CERS5: variants seen among roughly 807,000 people sequenced by gnomAD.
The protein encoded by CERS5 is LAG1 homolog, ceramide synthase 5.
In CERS5, 37 loss-of-function variants were observed where a neutral mutation model predicts 58.9. That is an observed-to-expected ratio of 0.63 (90% confidence interval 0.48 to 0.83). The LOEUF (loss-of-function observed/expected upper bound fraction) is 0.83. CERS5 is among the 40% of genes least tolerant of loss of function. The pLI, the probability that CERS5 is intolerant of heterozygous loss-of-function variation, is 0.00. For synonymous variants in CERS5, 147 were observed against 177.8 expected, an observed-to-expected ratio of 0.83 and a Z score of 1.38; for missense variants, 398 against 489.3, an observed-to-expected ratio of 0.81 and a Z score of 1.76.
chr12:50,152,428 A>C (rs945680693), intron 1 of CERS5, among the ~76,000 whole-genome samples: 2 of 152,140 alleles, frequency 1.3e-5, no homozygotes, highest in African/African-American at 4.8e-5. Context: ...TTAAATCTTG[A>C]CCCTTGAATA....
Position 50,131,928 on chromosome 12 carries a change from T to A in CERS5, c.1030-1234A>T, listed in dbSNP as rs141963824. Among the ~76,000 whole-genome samples the A allele has an allele frequency of 2.8e-4, 43 of 151,342 alleles. 1 individual carries two copies. The South Asian group carries it at 4.8e-3, about 17-fold the overall frequency. ...CCTGGGCAACATGGAGAGAGCCCTG[T>A]CTCTACAAAAAATAAAAAATGACAA... On this transcript the variant is annotated intron_variant, in intron 9 of 9. Transcript: ENST00000317551.
At position 50,167,040 on chromosome 12, in the gene CERS5, C is replaced by A. The variant is rs1592470489; in HGVS notation, c.197+61G>T. The stretch of plus-strand genomic sequence containing the variant: ...TTCTGCTTCCGGCCCTCGGCCCTTC[C>A]CACAGCGGGGCGCCCCCGGCCCGCG... On this transcript the variant is annotated intron_variant, in intron 1 of 9. Transcript: ENST00000317551. The A allele has an allele frequency of 2.0e-5, 26 of 1,332,656 alleles. No individual in the cohort carries two copies. In the East Asian group the frequency reaches 6.9e-4, roughly 35 times the overall value. 82.6% of individuals were successfully genotyped at this position (1,332,656 alleles called of 1,614,324 possible).
intron 1 of CERS5, among the ~76,000 whole-genome samples, chr12:50,164,340 TAGG>T (rs1939636545): frequency 6.7e-6 from 1 of 148,908 alleles, no homozygotes; most frequent in African/African-American, 2.5e-5. Flanking sequence ...GAGGCTGAGG[TAGG>T]AGGATTGCTT....
chr12:50,162,157 T>C (rs1592449179), intron 1 of CERS5, among the ~76,000 whole-genome samples: 4 of 149,892 alleles, frequency 2.7e-5, no homozygotes. Context: ...ATTACAGGCA[T>C]GAGCCACCAT....
At chr12:50,155,725 A>C (rs1179899014) in intron 1 of CERS5, among the ~76,000 whole-genome samples, 1 of 110,546 alleles carries the variant, frequency 9.0e-6, no homozygotes, top group Non-Finnish European at 1.7e-5. Flanking sequence ...CGACAGAGCG[A>C]GACTCCATCT....
chr12:50,157,230 C>T (rs1332146577), intron 1 of CERS5, among the ~76,000 whole-genome samples: 1 of 151,908 alleles, frequency 6.6e-6, no homozygotes, highest in Non-Finnish European at 1.5e-5. Flanking sequence ...TGCAGACGGC[C>T]TATTGTGGGA....
At chr12:50,160,455 G>T (rs965216374) in intron 1 of CERS5, among the ~76,000 whole-genome samples, 5 of 152,114 alleles carry the variant, frequency 3.3e-5, no homozygotes, top group Non-Finnish European at 7.4e-5. Context: ...CATTGAGAAG[G>T]CTCTTTAGAC....
intron 1 of CERS5, among the ~76,000 whole-genome samples, chr12:50,160,166 G>A (rs1268082830): frequency 1.3e-5 from 2 of 151,638 alleles, no homozygotes; most frequent in African/African-American, 4.8e-5. Context: ...TTAGCTGGGC[G>A]TGGTGGTACA....
Position 50,164,106 on chromosome 12 carries a change from T to C in CERS5, c.197+2995A>G, listed in dbSNP as rs1939609217. Reference sequence around the variant, plus strand: ...TCCTGAGTAGCTGGGATTACAGGCATGTACCACTATGCCCAGCTAATTTTT... The same window carrying C: ...TCCTGAGTAGCTGGGATTACAGGCACGTACCACTATGCCCAGCTAATTTTT... On this transcript the variant is annotated intron_variant, in intron 1 of 9. Transcript: ENST00000317551. 3.3e-5 allele frequency among the ~76,000 whole-genome samples: 5 copies of C among 151,664 alleles called. No individual in the cohort carries two copies. In the Admixed American group the frequency reaches 3.3e-4, roughly 10 times the overall value.
At chr12:50,166,822 G>A (rs1939950313) in intron 1 of CERS5, among the ~76,000 whole-genome samples, 1 of 152,106 alleles carries the variant, frequency 6.6e-6, no homozygotes, top group Non-Finnish European at 1.5e-5. Flanking sequence ...GTTGGGAGGA[G>A]GCCTATATGA....
At chr12:50,164,860 A>G (rs1939692581) in intron 1 of CERS5, among the ~76,000 whole-genome samples, 1 of 152,184 alleles carries the variant, frequency 6.6e-6, no homozygotes, top group Admixed American at 6.5e-5. Context: ...ATTTCCTCTT[A>G]CCACTAACAT....
chr12:50,139,337 C>T (rs574096937), intron 4 of CERS5, among the ~76,000 whole-genome samples: 6 of 151,938 alleles, frequency 3.9e-5, no homozygotes, highest in African/African-American at 7.2e-5. Context: ...AAAATTAGCC[C>T]GGTGTGGTTG....
intron 6 of CERS5, among the ~76,000 whole-genome samples, chr12:50,136,762 G>C (rs1441773346): frequency 6.6e-6 from 1 of 152,182 alleles, no homozygotes; most frequent in Non-Finnish European, 1.5e-5. Flanking sequence ...ATGGAAGGGA[G>C]AGGTTTGTGG....
Position 50,130,712 on chromosome 12 carries a change from A to G in CERS5, c.1030-18T>C, listed in dbSNP as rs1434262328. Reference sequence around the variant, plus strand: ...TTCGATACCTGGGTGGGATGAGACCAAAGACAGAAAAGTGAGGAAAGAACT... The same window carrying G: ...TTCGATACCTGGGTGGGATGAGACCGAAGACAGAAAAGTGAGGAAAGAACT... On this transcript the variant is annotated intron_variant, in intron 9 of 9. Coordinates refer to ENST00000317551, the MANE Select transcript of CERS5 (RefSeq NM_147190.5). 1.3e-6 allele frequency: 2 copies of G among 1,557,926 alleles called. No homozygotes were observed. Among genetic ancestry groups the G allele is most frequent in the East Asian group, 2.3e-5 (1 of 43,592 alleles).
intron 4 of CERS5, among the ~76,000 whole-genome samples, chr12:50,140,241 T>A (rs1951893636): frequency 6.6e-6 from 1 of 152,010 alleles, no homozygotes; most frequent in South Asian, 2.1e-4. Flanking sequence ...TGTGATTTTT[T>A]ATTTGATCCA....
rs1159039531 is a variant in CERS5, at chr12:50,135,174, GGAGA to G, written c.873-476_873-473del. On this transcript the variant is annotated intron_variant, in intron 8 of 9. Coordinates refer to ENST00000317551, the MANE Select transcript of CERS5 (RefSeq NM_147190.5). Reference sequence around the variant, plus strand: ...AGGGAGGGAGAGAGAGGGGAGGGAGGGAGAGAGAGGAGAGGGAGGAAGAGAGAGA... The same window carrying G: ...AGGGAGGGAGAGAGAGGGGAGGGAGGGAGAGGAGAGGGAGGAAGAGAGAGA... Among the ~76,000 whole-genome samples the G allele has an allele frequency of 2.1e-4, 17 of 81,772 alleles. 1 individual carries two copies. Among genetic ancestry groups the G allele is most frequent in the African/African-American group, 6.6e-4 (13 of 19,556 alleles). 53.6% of individuals were successfully genotyped at this position (81,772 alleles called of 152,430 possible). A position where few individuals can be genotyped will look rare whatever the true frequency, so the allele number is the denominator to read the frequency against.
chr12:50,152,628 CA>C (rs1166003186), intron 1 of CERS5, among the ~76,000 whole-genome samples: 1 of 152,028 alleles, frequency 6.6e-6, no homozygotes, highest in Admixed American at 6.6e-5. Context: ...TGATGCATAC[CA>C]AAGTATATGG....
At chr12:50,149,813 C>T (rs554391482) in intron 1 of CERS5, among the ~76,000 whole-genome samples, 36 of 152,308 alleles carry the variant, frequency 2.4e-4, no homozygotes, top group African/African-American at 7.7e-4. Flanking sequence ...GATCTGGGCT[C>T]ACTGCAACCT....
chr12:50,140,639 G>T, intron 4 of CERS5, among the ~76,000 whole-genome samples: 1 of 152,076 alleles, frequency 6.6e-6, no homozygotes, highest in East Asian at 1.9e-4. Flanking sequence ...ATTTAATTCC[G>T]TTATGGTCAG....
Sources: gnomAD v4.1 joint callset for allele counts (sites outside exome capture counted in the v4.1 genomes callset) on GRCh38, gnomAD v4.1.1 for gene constraint, MANE v1.5 for transcripts, NCBI Gene and HGNC (gene_info 2026-07-23, HGNC 2026-07-21) for gene names.